The following FRAS1 variants were observed in gnomAD, a reference collection of about 807,000 sequenced individuals.
FRAS1 encodes the protein extracellular matrix organizing protein FRAS1.
A neutral mutation model predicts 435.2 loss-of-function variants in FRAS1; 290 were observed. That is an observed-to-expected ratio of 0.67 (90% CI 0.61 to 0.73). The LOEUF is 0.73. FRAS1 is among the 30% of genes least tolerant of loss of function. The pLI is 0.00. For synonymous variants in FRAS1, 1,800 were observed against 1,851.0 expected, an observed-to-expected ratio of 0.97 and a Z score of 0.71; for missense variants, 4,860 against 5,001.5, an observed-to-expected ratio of 0.97 and a Z score of 0.85.
At chr4:78,461,294 A>G (rs778848245) in intron 47 of FRAS1, among the ~76,000 whole-genome samples, 51 of 152,208 alleles carry the variant, frequency 3.4e-4, no homozygotes, top group Admixed American at 2.8e-3. Context: ...ACTTTAAAGA[A>G]GAGTGAAATC....
chr4:78,258,938 T>C, intron 6 of FRAS1, among the ~76,000 whole-genome samples: 1 of 129,834 alleles, frequency 7.7e-6, no homozygotes, highest in Non-Finnish European at 1.6e-5. Context: ...TTCCCACCTA[T>C]GAGTGAGAAT....
At chr4:78,488,726 A>G in intron 58 of FRAS1, 149 bp from the exon 59 acceptor site, 1 of 638,224 alleles carries the variant, frequency 1.6e-6, no homozygotes, top group Non-Finnish European at 2.7e-6. Context: ...ATGCTTTGGA[A>G]TCTGCTTGCC....
At chr4:78,533,062 G>A (rs114208281) in intron 70 of FRAS1, among the ~76,000 whole-genome samples, 2,174 of 152,252 alleles carry the variant, frequency 0.014, 44 homozygotes, top group African/African-American at 0.05. Context: ...GATCCATACT[G>A]TTTTACATAA....
intron 20 of FRAS1, among the ~76,000 whole-genome samples, chr4:78,360,472 T>C (rs1000840111): frequency 6.6e-6 from 1 of 151,852 alleles, no homozygotes; most frequent in East Asian, 1.9e-4. Context: ...AAAAGAGAGA[T>C]AGGGGAAAAC....
intron 29 of FRAS1, among the ~76,000 whole-genome samples, chr4:78,396,568 A>G (rs565583069): frequency 3.4e-4 from 52 of 152,326 alleles, no homozygotes; most frequent in South Asian, 1.9e-3. Context: ...CTGTCAGAAA[A>G]CAACAAGGTT....
intron 41 of FRAS1, among the ~76,000 whole-genome samples, chr4:78,442,945 A>G (rs964025602): frequency 1.2e-4 from 18 of 152,332 alleles, no homozygotes; most frequent in Admixed American, 5.2e-4. Context: ...ACAAAAAAGC[A>G]TTTAGGAGGG....
intron 2 of FRAS1, among the ~76,000 whole-genome samples, chr4:78,228,851 C>T (rs1277991416): frequency 1.3e-5 from 2 of 152,194 alleles, no homozygotes. Context: ...AGTACATTAA[C>T]TTATTTCATC....
chr4:78,198,834 C>T (rs547933245), intron 2 of FRAS1, among the ~76,000 whole-genome samples: 11 of 152,128 alleles, frequency 7.2e-5, no homozygotes, highest in African/African-American at 1.7e-4. Flanking sequence ...TATTTTCTCT[C>T]GCTTATGATT....
In FRAS1 at chr4:78,315,872, A is replaced by G. The variant is rs1292058053; in HGVS notation, c.1819+138A>G. Reference sequence around the variant, plus strand: ...ACTTTAAAAGATAGCTTTTTTCATTATGAAGCCAATGTGTATTTGATATGG... The same window carrying G: ...ACTTTAAAAGATAGCTTTTTTCATTGTGAAGCCAATGTGTATTTGATATGG... On this transcript the variant is annotated intron_variant, in intron 16 of 73. Coordinates refer to ENST00000512123, the MANE Select transcript of FRAS1 (RefSeq NM_025074.7). The G allele has an allele frequency of 3.2e-6, 3 of 941,020 alleles. No individual in the cohort carries two copies. In the East Asian group the frequency reaches 7.9e-5, roughly 25 times the overall value. 58.3% of individuals were successfully genotyped at this position (941,020 alleles called of 1,614,324 possible). A position where few individuals can be genotyped will look rare whatever the true frequency, so the allele number is the denominator to read the frequency against.
intron 2 of FRAS1, among the ~76,000 whole-genome samples, chr4:78,098,471 C>T (rs1741935861): frequency 6.6e-6 from 1 of 151,960 alleles, no homozygotes; most frequent in Admixed American, 6.6e-5. Context: ...GACGGGGTTT[C>T]ACCATGTTGG....
At chr4:78,486,982 T>G (rs1289227653) in intron 58 of FRAS1, among the ~76,000 whole-genome samples, 6 of 152,188 alleles carry the variant, frequency 3.9e-5, no homozygotes, top group Admixed American at 2.6e-4. Flanking sequence ...GCCTTTAACT[T>G]TCTCATCTGA....
chr4:78,095,795 A>G (rs1404660935), intron 2 of FRAS1, among the ~76,000 whole-genome samples: 1 of 152,228 alleles, frequency 6.6e-6, no homozygotes, highest in South Asian at 2.1e-4. Flanking sequence ...CTGAGTCCCT[A>G]CCACAACACA....
intron 24 of FRAS1, among the ~76,000 whole-genome samples, chr4:78,373,589 C>G (rs1031791910): frequency 6.6e-6 from 1 of 151,700 alleles, no homozygotes; most frequent in African/African-American, 2.4e-5. Context: ...ACCAGCCTGA[C>G]TAACATGGAG....
At chr4:78,378,724 C>T (rs1352973344) in intron 26 of FRAS1, among the ~76,000 whole-genome samples, 2 of 131,110 alleles carry the variant, frequency 1.5e-5, no homozygotes, top group East Asian at 2.1e-4. Context: ...TTGGGTTTTT[C>T]ATTTTCTATT....
intron 67 of FRAS1, among the ~76,000 whole-genome samples, chr4:78,521,274 G>A (rs1721377100): frequency 6.6e-6 from 1 of 151,488 alleles, no homozygotes; most frequent in African/African-American, 2.4e-5. Flanking sequence ...GGGTTAAGTG[G>A]AACTTACAGG....
intron 72 of FRAS1, 29 bp from the exon 73 acceptor site, chr4:78,539,265 T>C: frequency 1.3e-6 from 2 of 1,598,540 alleles, no homozygotes; most frequent in Non-Finnish European, 1.7e-6. Context: ...TCTTTCTAAA[T>C]CTTGCATTTC....
At chr4:78,409,116 C>G (rs1733222287) in intron 31 of FRAS1, among the ~76,000 whole-genome samples, 1 of 98,658 alleles carries the variant, frequency 1.0e-5, no homozygotes, top group Non-Finnish European at 2.1e-5. Flanking sequence ...GAGACCCTCT[C>G]TCAAAAAAAA....
At chr4:78,343,430 C>CCTCCCTCCCTCT (rs75373567) in intron 20 of FRAS1, among the ~76,000 whole-genome samples, 1 of 149,642 alleles carries the variant, frequency 6.7e-6, no homozygotes, top group Non-Finnish European at 1.5e-5. Flanking sequence ...TCCCTCCCTC[C>CCTCCCTCCCTCT]CTCCCTCCCT....
chr4:78,114,418 G>A (rs1222092159), intron 2 of FRAS1, among the ~76,000 whole-genome samples: 1 of 152,088 alleles, frequency 6.6e-6, no homozygotes, highest in Admixed American at 6.6e-5. Flanking sequence ...AATTACCTTG[G>A]GAAGTATGGC....
Sources: allele counts gnomAD v4.1 joint callset (sites outside exome capture counted in the v4.1 genomes callset), GRCh38; gene constraint gnomAD v4.1.1; transcripts MANE v1.5; gene names NCBI Gene and HGNC (gene_info 2026-07-23, HGNC 2026-07-21).